Variants in PAX8 observed in about 807,000 individuals in gnomAD.
PAX8 encodes the protein paired box protein Pax-8.
PAX8 carries 15 observed loss-of-function variants against 52.4 expected under a neutral mutation model. The ratio of observed to expected loss-of-function variants is 0.29; its 90% CI spans 0.19 to 0.44. PAX8 has a LOEUF of 0.44. PAX8 is among the 20% of genes least tolerant of loss of function. The pLI, the probability that PAX8 is intolerant of heterozygous loss-of-function variation, is 1.00. For missense variants in PAX8, 554 were observed against 602.5 expected (o/e 0.92, Z 0.84); for synonymous variants, 284 against 249.7 (o/e 1.14, Z -1.29).
chr2:113,259,158 A>G (rs1194788209), intron 2 of PAX8: 4 of 152,560 alleles, frequency 2.6e-5, no homozygotes, highest in Non-Finnish European at 5.9e-5. Flanking sequence ...TATAAATTAT[A>G]TCAGCAATAT....
intron 2 of PAX8, among the ~76,000 whole-genome samples, chr2:113,250,184 A>G (rs1691652665): frequency 6.7e-6 from 1 of 150,184 alleles, no homozygotes; most frequent in Admixed American, 6.7e-5. Context: ...GGAGAATGGC[A>G]TGAACCCGCA....
At chr2:113,228,408 A>G (rs1689706236) in intron 9 of PAX8, among the ~76,000 whole-genome samples, 1 of 152,100 alleles carries the variant, frequency 6.6e-6, no homozygotes, top group Admixed American at 6.5e-5. Context: ...GTTCTTGGTG[A>G]TATTTACAGA....
In PAX8 at chr2:113,258,883, G is replaced by A. The variant is rs1023628886; in HGVS notation, c.26-11964C>T. On this transcript the variant is annotated intron_variant, in intron 2 of 11. Transcript: ENST00000429538. ...TCCCTCCCAAGAAGGGCTTCAGTGT[G>A]TGGATTTTTAGGGATGGAGCTGCTT... Among the ~76,000 whole-genome samples, 11 of 152,168 alleles carry A rather than the reference G, an allele frequency of 7.2e-5. No individual in the cohort carries two copies. The South Asian group carries it at 8.3e-4, about 11-fold the overall frequency.
At chr2:113,249,253 T>C (rs1691574322) in intron 2 of PAX8, among the ~76,000 whole-genome samples, 1 of 152,250 alleles carries the variant, frequency 6.6e-6, no homozygotes, top group Non-Finnish European at 1.5e-5. Context: ...ATTCCTCTGG[T>C]CCTCACTGGC....
chr2:113,218,662 T>G (rs1689109013), intron 11 of PAX8, 53 bp from the exon 12 acceptor site: 2 of 1,189,388 alleles, frequency 1.7e-6, no homozygotes, highest in Non-Finnish European at 2.4e-6. Context: ...AAAGGAAAAT[T>G]GCACCATAGC....
chr2:113,221,078 G>C (rs1248592125), intron 10 of PAX8, among the ~76,000 whole-genome samples: 1 of 152,114 alleles, frequency 6.6e-6, no homozygotes, highest in Non-Finnish European at 1.5e-5. Context: ...TTATTCTCAA[G>C]ACTACCCCAT....
chr2:113,244,715 C>T, intron 3 of PAX8, 91 bp from the exon 4 acceptor site: 1 of 1,202,220 alleles, frequency 8.3e-7, no homozygotes, highest in Non-Finnish European at 1.2e-6. Flanking sequence ...CTCTCTGAGG[C>T]TTCTGGGTAG....
At chr2:113,245,985 G>A (rs1429620001) in intron 3 of PAX8, among the ~76,000 whole-genome samples, 5 of 152,248 alleles carry the variant, frequency 3.3e-5, no homozygotes, top group Non-Finnish European at 5.9e-5. Context: ...CTGACTGGAA[G>A]CTGTGGCACA....
Position 113,273,298 on chromosome 2 carries a change from G to GC in PAX8, c.25+5071dup, listed in dbSNP as rs560486673. On this transcript the variant is annotated intron_variant, in intron 2 of 11. Transcript: ENST00000429538. ...GGACCAGAACCACAAACCAGCCCTG[G>GC]CTTAGCTCTGGCTTAGCTAGCTGTG... 8.9e-4 allele frequency: 136 copies of GC among 152,328 alleles called. 2 individuals carry two copies. The highest frequency in any genetic ancestry group is 3.2e-3 in the African/African-American group (131 of 41,556). The allele number at this position is 152,328 out of a possible 1,614,324, so 9.4% of individuals were successfully genotyped here. A position where few individuals can be genotyped will look rare whatever the true frequency, so the allele number is the denominator to read the frequency against.
intron 2 of PAX8, among the ~76,000 whole-genome samples, chr2:113,252,840 A>G (rs1292806184): frequency 6.6e-6 from 1 of 152,194 alleles, no homozygotes; most frequent in Non-Finnish European, 1.5e-5. Context: ...GTACAAATGG[A>G]ATTAAATTAA....
At position 113,242,776 on chromosome 2, in the gene PAX8, A is replaced by G. The variant is rs1690970773; in HGVS notation, c.392T>C (p.Ile131Thr). The G allele has an allele frequency of 6.2e-7, 1 of 1,612,836 alleles. No homozygotes were observed. The highest frequency in any genetic ancestry group is 1.1e-5 in the South Asian group (1 of 91,058). ...TVPSVSSINR[I>T]IRTKVQQPFN... is the part of the protein sequence containing the mutation. Reference sequence around the variant, plus strand: ...TGGTTGCTGCACTTTGGTCCGGATGATTCTGTGATGAAGAGAAGAAAGGCC... The same window carrying G: ...TGGTTGCTGCACTTTGGTCCGGATGGTTCTGTGATGAAGAGAAGAAAGGCC... The change falls in exon 5 of 12, where the codon ATC becomes ACC. Residue 131 changes from isoleucine to threonine, a missense_variant and splice_region_variant. Ile to Thr is a moderately conservative substitution (Grantham distance 89, BLOSUM62 -1). This residue lies in a region of PAX8 where 109 missense variants were observed against 192.7 expected (regional missense o/e 0.57). Coordinates refer to ENST00000429538, the MANE Select transcript of PAX8 (RefSeq NM_003466.4).
intron 2 of PAX8, chr2:113,272,558 G>A (rs1693532043): frequency 6.6e-6 from 1 of 152,116 alleles, no homozygotes; most frequent in South Asian, 2.1e-4. Context: ...TCCATCCCAG[G>A]GTCACTGACC....
At chr2:113,230,859 G>A (rs1014180247) in intron 9 of PAX8, among the ~76,000 whole-genome samples, 1 of 152,064 alleles carries the variant, frequency 6.6e-6, no homozygotes, top group Non-Finnish European at 1.5e-5. Flanking sequence ...AACGATCCTC[G>A]CTATGAATTC....
At chr2:113,271,398 T>TG (rs1364395560) in intron 2 of PAX8, 1 of 152,098 alleles carries the variant, frequency 6.6e-6, no homozygotes, top group Non-Finnish European at 1.5e-5. Flanking sequence ...ACGGCAGCCT[T>TG]GGGGGGATGT....
At chr2:113,244,314 C>G (rs1691131098) in intron 4 of PAX8, 113 bp downstream of exon 4, 1 of 824,338 alleles carries the variant, frequency 1.2e-6, no homozygotes, top group Admixed American at 1.7e-5. Flanking sequence ...TGTTCAGCAT[C>G]AGGCCCCTTC....
chr2:113,220,725 G>C (rs566285277), intron 10 of PAX8, among the ~76,000 whole-genome samples: 1 of 152,226 alleles, frequency 6.6e-6, no homozygotes, highest in South Asian at 2.1e-4. Context: ...TGTGTGCATG[G>C]GGGGCTGAGG....
At chr2:113,258,486 A>G (rs900361309) in intron 2 of PAX8, among the ~76,000 whole-genome samples, 2 of 151,868 alleles carry the variant, frequency 1.3e-5, no homozygotes, top group East Asian at 3.9e-4. Context: ...TCCCCTACCC[A>G]TCTGCCCGGA....
chr2:113,246,168 G>A (rs529726216), intron 3 of PAX8, among the ~76,000 whole-genome samples: 2 of 152,354 alleles, frequency 1.3e-5, no homozygotes, highest in Non-Finnish European at 2.9e-5. Flanking sequence ...GGAGTTATAT[G>A]CCAAAACTTG....
Position 113,244,638 on chromosome 2 carries a change from G to T in PAX8, c.192-14C>A. ...GTCTCGTAGTACCTACTCCAATAGA[G>T]AATCCCAAAGAATTACCCAATAAGC... On this transcript the variant is annotated splice_polypyrimidine_tract_variant and intron_variant, in intron 3 of 11. Coordinates refer to ENST00000429538, the MANE Select transcript of PAX8 (RefSeq NM_003466.4). 6.2e-7 allele frequency: 1 copy of T among 1,611,536 alleles called. No homozygotes were observed. The highest frequency in any genetic ancestry group is 8.5e-7 in the Non-Finnish European group (1 of 1,177,742).
Sources: allele counts gnomAD v4.1 joint callset (sites outside exome capture counted in the v4.1 genomes callset), GRCh38; gene constraint gnomAD v4.1.1; regional missense constraint gnomAD v4.1.1; transcripts MANE v1.5; gene names NCBI Gene and HGNC (gene_info 2026-07-23, HGNC 2026-07-21).